COL26A1: variants seen among roughly 807,000 people sequenced by gnomAD.
The protein encoded by COL26A1 is collagen alpha-1(XXVI) chain.
A neutral mutation model predicts 59.3 loss-of-function variants in COL26A1; 41 were observed. The ratio of observed to expected loss-of-function variants is 0.69; its 90% CI spans 0.54 to 0.90. COL26A1 has a LOEUF of 0.90. Among genes scored for constraint, COL26A1 ranks in the 40% least tolerant of loss-of-function variants. The probability of loss-of-function intolerance (pLI) is 0.00; values close to 1 mark genes in which losing one functional copy is unlikely to be tolerated. For missense variants in COL26A1, 612 were observed against 602.3 expected, an observed-to-expected ratio of 1.02 and a Z score of -0.17; for synonymous variants, 266 against 256.0, an observed-to-expected ratio of 1.04 and a Z score of -0.37.
chr7:101,384,440 C>G (rs1020870923), intron 1 of COL26A1, among the ~76,000 whole-genome samples: 1 of 151,968 alleles, frequency 6.6e-6, no homozygotes, highest in Non-Finnish European at 1.5e-5. Flanking sequence ...GTTGGACAGG[C>G]TGATCTTGAA....
intron 3 of COL26A1, among the ~76,000 whole-genome samples, chr7:101,526,101 T>C (rs954693886): frequency 1.3e-5 from 2 of 151,822 alleles, no homozygotes; most frequent in African/African-American, 4.8e-5. Flanking sequence ...CAGGCTGGAG[T>C]GCAATGGCGT....
At chr7:101,380,409 C>T (rs1341101740) in intron 1 of COL26A1, among the ~76,000 whole-genome samples, 5 of 151,694 alleles carry the variant, frequency 3.3e-5, no homozygotes, top group Non-Finnish European at 7.4e-5. Flanking sequence ...ATTCTCATCC[C>T]TCAGCCTCCC....
intron 1 of COL26A1, among the ~76,000 whole-genome samples, chr7:101,382,538 A>G (rs1172471874): frequency 2.0e-5 from 3 of 152,210 alleles, no homozygotes; most frequent in Non-Finnish European, 1.5e-5. Context: ...GTCTGGTGCC[A>G]AAACCACAGT....
intron 3 of COL26A1, among the ~76,000 whole-genome samples, chr7:101,509,623 C>G (rs555681400): frequency 1.4e-4 from 21 of 152,182 alleles, no homozygotes; most frequent in African/African-American, 4.8e-4. Flanking sequence ...AGGTACAGGG[C>G]AGGGTTCATT....
At chr7:101,515,548 T>C (rs990054427) in intron 3 of COL26A1, among the ~76,000 whole-genome samples, 1 of 151,906 alleles carries the variant, frequency 6.6e-6, no homozygotes, top group Non-Finnish European at 1.5e-5. Flanking sequence ...TCTCCCAAAG[T>C]GCTGGGATTA....
Position 101,421,987 on chromosome 7 carries a change from C to T in COL26A1, c.281+1888C>T, listed in dbSNP as rs966870497. Among the ~76,000 whole-genome samples, 8 of 152,188 alleles carry T rather than the reference C, an allele frequency of 5.3e-5. No homozygotes were observed. The South Asian group carries it at 8.3e-4, about 16-fold the overall frequency. ...TCTGCAAGGGGAATGGCTAGGTAAA[C>T]GGAATGTCATTCATTTTCATTTTTA... On this transcript the variant is annotated intron_variant, in intron 2 of 12. Transcript: ENST00000313669.
intron 1 of COL26A1, among the ~76,000 whole-genome samples, chr7:101,378,623 G>A (rs946531369): frequency 6.6e-6 from 1 of 151,966 alleles, no homozygotes; most frequent in Non-Finnish European, 1.5e-5. Context: ...TGGGGGCTGG[G>A]GACACCAAGA....
chr7:101,518,595 T>C (rs971375603), intron 3 of COL26A1, among the ~76,000 whole-genome samples: 3 of 152,224 alleles, frequency 2.0e-5, no homozygotes, highest in Admixed American at 6.5e-5. Context: ...TGGAGTTATT[T>C]ATGATTTCTT....
intron 1 of COL26A1, among the ~76,000 whole-genome samples, chr7:101,410,002 C>T (rs1264542846): frequency 6.6e-6 from 1 of 152,076 alleles, no homozygotes; most frequent in South Asian, 2.1e-4. Context: ...CCTCATGATC[C>T]ACCCGCCTCA....
At chr7:101,494,240 C>A (rs1005592617) in intron 3 of COL26A1, among the ~76,000 whole-genome samples, 1 of 151,518 alleles carries the variant, frequency 6.6e-6, no homozygotes, top group African/African-American at 2.4e-5. Context: ...AATTCTCCTT[C>A]CTCAGCCTCC....
chr7:101,461,991 G>C (rs538079458), intron 3 of COL26A1, among the ~76,000 whole-genome samples: 5 of 144,560 alleles, frequency 3.5e-5, no homozygotes, highest in African/African-American at 7.7e-5. Flanking sequence ...TCTATCCACG[G>C]AGCACTTTTT....
Position 101,434,038 on chromosome 7 carries a change from T to G in COL26A1, c.282-13646T>G, listed in dbSNP as rs566820798. Among the ~76,000 whole-genome samples, 329 of 95,762 alleles carry G rather than the reference T, an allele frequency of 3.4e-3. 11 individuals are homozygous for G. Among genetic ancestry groups the G allele is most frequent in the African/African-American group, 0.019 (312 of 16,470 alleles). 62.8% of individuals were successfully genotyped at this position (95,762 alleles called of 152,430 possible). A position where few individuals can be genotyped will look rare whatever the true frequency, so the allele number is the denominator to read the frequency against. ...TTTTCCCATCTGGTGATTACTCCCT[T>G]CCCTTCCCTCCCTCCCTCCCTCCCT... On this transcript the variant is annotated intron_variant, in intron 2 of 12. Transcript: ENST00000313669.
chr7:101,406,481 G>A (rs145284281), intron 1 of COL26A1, among the ~76,000 whole-genome samples: 105 of 152,284 alleles, frequency 6.9e-4, no homozygotes, highest in Non-Finnish European at 6.6e-4. Flanking sequence ...CAATTTGCTC[G>A]ATGGCAGACA....
At chr7:101,390,295 A>T (rs566800742) in intron 1 of COL26A1, among the ~76,000 whole-genome samples, 1 of 151,206 alleles carries the variant, frequency 6.6e-6, no homozygotes, top group East Asian at 2.0e-4. Flanking sequence ...AGCTGGAATT[A>T]CAGGTGTGTG....
At chr7:101,400,936 G>T (rs1791982077) in intron 1 of COL26A1, among the ~76,000 whole-genome samples, 1 of 152,186 alleles carries the variant, frequency 6.6e-6, no homozygotes, top group South Asian at 2.1e-4. Context: ...CGAACGAGGG[G>T]TGGGGAGATG....
intron 1 of COL26A1, among the ~76,000 whole-genome samples, chr7:101,400,077 C>T (rs2130188295): frequency 6.6e-6 from 1 of 152,192 alleles, no homozygotes; most frequent in South Asian, 2.1e-4. Context: ...CAAATCTGTG[C>T]AGAGGGGACA....
intron 3 of COL26A1, among the ~76,000 whole-genome samples, chr7:101,487,927 C>T (rs1284177383): frequency 6.6e-6 from 1 of 152,058 alleles, no homozygotes; most frequent in African/African-American, 2.4e-5. Flanking sequence ...CACTATATTG[C>T]CCAGGCTGGT....
At chr7:101,472,224 T>C (rs1434524856) in intron 3 of COL26A1, among the ~76,000 whole-genome samples, 1 of 152,102 alleles carries the variant, frequency 6.6e-6, no homozygotes, top group Non-Finnish European at 1.5e-5. Context: ...CAGGCTGGTC[T>C]GGAACTCCTG....
rs1411235692 is a variant in COL26A1 at position 101,545,492 on chromosome 7, T to A, written c.856+2T>A. On this transcript the variant is annotated splice_donor_variant, in intron 7 of 12. Coordinates refer to ENST00000313669, the MANE Select transcript of COL26A1 (RefSeq NM_001278563.3). LOFTEE classifies it high-confidence loss of function. ...TGCAGCCGCCTACAGACAAAGACAGTGAGTAATGCCCCTGGGGGGCCAAGG... is the reference window on the plus strand; with the variant it reads ...TGCAGCCGCCTACAGACAAAGACAGAGAGTAATGCCCCTGGGGGGCCAAGG... 2 of 1,601,378 alleles carry A rather than the reference T, an allele frequency of 1.2e-6. No individual in the cohort carries two copies. Among genetic ancestry groups the A allele is most frequent in the South Asian group, 2.2e-5 (2 of 89,834 alleles).
Sources: allele counts gnomAD v4.1 joint callset (sites outside exome capture counted in the v4.1 genomes callset), GRCh38; gene constraint gnomAD v4.1.1; transcripts MANE v1.5; gene names NCBI Gene and HGNC (gene_info 2026-07-23, HGNC 2026-07-21).